The following ACSF2 variants were observed in gnomAD, a reference collection of about 807,000 sequenced individuals.
ACSF2 encodes the protein medium-chain acyl-CoA ligase ACSF2, mitochondrial.
ACSF2 carries 52 observed loss-of-function variants against 79.3 expected under a neutral mutation model. The ratio of observed to expected loss-of-function variants is 0.66; its 90% CI spans 0.53 to 0.83. The LOEUF is 0.83. Among genes scored for constraint, ACSF2 ranks in the 40% least tolerant of loss-of-function variants. The pLI is 0.00. For synonymous variants in ACSF2, 283 were observed against 312.6 expected, an observed-to-expected ratio of 0.91 and a Z score of 1.00; for missense variants, 661 against 803.3, an observed-to-expected ratio of 0.82 and a Z score of 2.14.
chr17:50,434,692 AT>A (rs2030238589), intron 1 of ACSF2, among the ~76,000 whole-genome samples: 1 of 151,614 alleles, frequency 6.6e-6, no homozygotes, highest in Admixed American at 6.6e-5. Flanking sequence ...TCTCAAAAAA[AT>A]AATTTTTTTT....
Position 50,474,575 on chromosome 17 carries a change from G to A in ACSF2, c.*23G>A. 5 of 1,613,470 alleles carry A rather than the reference G, an allele frequency of 3.1e-6. No individual in the cohort carries two copies. The highest frequency in any genetic ancestry group is 4.2e-6 in the Non-Finnish European group (5 of 1,179,592). ...TGAATAAAGCAGCAGGCCTGTCCTG[G>A]CCGGTTGGCTTGACTCTCTCCTGTC... On this transcript the variant is annotated 3_prime_UTR_variant, in exon 16 of 16. Coordinates refer to ENST00000300441, the MANE Select transcript of ACSF2 (RefSeq NM_025149.6). This position sits in a 1 kb window ranked among gnomAD's most constrained non-coding sequence, Gnocchi z 4.2.
At chr17:50,426,805 C>T in intron 1 of ACSF2, 1 of 1,262,352 alleles carries the variant, frequency 7.9e-7, no homozygotes, top group Non-Finnish European at 1.1e-6. Context: ...CCGACCCAGG[C>T]CACTAAACTT....
chr17:50,473,325 G>A (rs1449660130), intron 12 of ACSF2: 1 of 287,492 alleles, frequency 3.5e-6, no homozygotes, highest in Non-Finnish European at 6.7e-6. Flanking sequence ...AGGAGAGAAA[G>A]TGGCTGTGGT....
At chr17:50,446,510 G>A (rs999130263) in intron 1 of ACSF2, among the ~76,000 whole-genome samples, 3 of 151,940 alleles carry the variant, frequency 2.0e-5, no homozygotes, top group African/African-American at 7.3e-5. Context: ...CACCCACCTC[G>A]GCATCCCAAA....
intron 1 of ACSF2, among the ~76,000 whole-genome samples, chr17:50,439,590 G>A (rs1318604312): frequency 2.6e-5 from 4 of 152,076 alleles, no homozygotes; most frequent in Admixed American, 2.6e-4. Context: ...TTTAGGTATT[G>A]CCCTGGCGAG....
rs1003292428 is a variant in ACSF2, at chr17:50,471,890, C to T, written c.1324-538C>T. ...ACTGCCACTGTCACTAAGATGCCCA[C>T]CTGGAAGGGAAACAGGGGCAGGCAT... On this transcript the variant is annotated intron_variant, in intron 11 of 15. Transcript: ENST00000300441. The surrounding 1 kb of genome is among the most constrained non-coding windows in gnomAD (Gnocchi z 4.1). 6.4e-6 allele frequency: 1 copy of T among 156,176 alleles called. No homozygotes were observed. The highest frequency in any genetic ancestry group is 1.4e-5 in the Non-Finnish European group (1 of 71,108). The allele number at this position is 156,176 out of a possible 1,614,324, so 9.7% of individuals were successfully genotyped here. A position where few individuals can be genotyped will look rare whatever the true frequency, so the allele number is the denominator to read the frequency against.
rs1413756704 is a variant in ACSF2, at chr17:50,462,216, A to G, written c.540A>G (p.Gln180=). 6.2e-7 allele frequency: 1 copy of G among 1,613,874 alleles called. No individual in the cohort carries two copies. The highest frequency in any genetic ancestry group is 8.5e-7 in the Non-Finnish European group (1 of 1,179,986). ...VGCKALVFPK[Q]FKTQQYYNVL... ...GCAAGGCCCTTGTGTTCCCCAAGCAATTCAAGACCCAGCAATACTACAACG... is the reference window on the plus strand; with the variant it reads ...GCAAGGCCCTTGTGTTCCCCAAGCAGTTCAAGACCCAGCAATACTACAACG... The change falls in exon 5 of 16, where the codon CAA becomes CAG. Residue 180 remains glutamine, a synonymous_variant. Coordinates refer to ENST00000300441, the MANE Select transcript of ACSF2 (RefSeq NM_025149.6).
At chr17:50,458,524 A>G (rs2032149276) in intron 1 of ACSF2, among the ~76,000 whole-genome samples, 1 of 152,170 alleles carries the variant, frequency 6.6e-6, no homozygotes, top group South Asian at 2.1e-4. Context: ...GTGATCCCAG[A>G]TTCCGTCTTA....
intron 10 of ACSF2, chr17:50,468,786 G>A (rs1271334951): frequency 6.4e-7 from 1 of 1,564,178 alleles, no homozygotes; most frequent in Non-Finnish European, 8.6e-7. Context: ...AGGAGGCCGA[G>A]GCTGAGCAAG....
intron 1 of ACSF2, among the ~76,000 whole-genome samples, chr17:50,444,224 A>G (rs2031140842): frequency 6.6e-6 from 1 of 152,144 alleles, no homozygotes; most frequent in Admixed American, 6.6e-5. Flanking sequence ...TGGTGTAATA[A>G]TCTAGATAAG....
intron 1 of ACSF2, among the ~76,000 whole-genome samples, chr17:50,436,198 C>T (rs568856250): frequency 1.5e-4 from 23 of 152,040 alleles, no homozygotes; most frequent in Non-Finnish European, 3.2e-4. Flanking sequence ...GGCGCGATCT[C>T]GGCTCACTGC....
At chr17:50,470,408 G>T (rs2033056975) in intron 10 of ACSF2, among the ~76,000 whole-genome samples, 1 of 152,036 alleles carries the variant, frequency 6.6e-6, no homozygotes, top group Non-Finnish European at 1.5e-5. Context: ...GTGGGGTGGG[G>T]GTACCACTGG....
rs1197921250 is a variant in ACSF2 at position 50,460,872 on chromosome 17, G to C, written c.324G>C (p.Glu108Asp). The change falls in exon 2 of 16, where the codon GAG (glutamate) becomes GAC (aspartate). Residue 108 changes from glutamate to aspartate, a missense_variant and splice_region_variant. Glu to Asp is a conservative substitution (Grantham distance 45). Coordinates refer to ENST00000300441, the MANE Select transcript of ACSF2 (RefSeq NM_025149.6). Reference sequence around the variant, plus strand: ...TGACCTTTGCCCAACTCAAGGAGGAGGTGGGTCCTGACCTGGAAACCTCAA... The same window carrying C: ...TGACCTTTGCCCAACTCAAGGAGGACGTGGGTCCTGACCTGGAAACCTCAA... Reference protein sequence around the residue: ...VRLTFAQLKEEVDKAASGLLS... With the variant: ...VRLTFAQLKEDVDKAASGLLS... The C allele has an allele frequency of 6.2e-7, 1 of 1,606,752 alleles. No homozygotes were observed.
Position 50,465,693 on chromosome 17 carries a change from G to C in ACSF2, c.1215+1399G>C, listed in dbSNP as rs567121082. 5 of 1,613,106 alleles carry C rather than the reference G, an allele frequency of 3.1e-6. No individual in the cohort carries two copies. In the South Asian group the frequency reaches 5.5e-5, roughly 18 times the overall value. On this transcript the variant is annotated intron_variant, in intron 10 of 15. Coordinates refer to ENST00000300441, the MANE Select transcript of ACSF2 (RefSeq NM_025149.6). ...TGAGGGTGGGCTCTGGGAGTGACAT[G>C]GAAGTGTTCTTACCGCCGAAGGCCC...
At chr17:50,445,658 A>G (rs146868196) in intron 1 of ACSF2, among the ~76,000 whole-genome samples, 10 of 152,166 alleles carry the variant, frequency 6.6e-5, no homozygotes, top group African/African-American at 2.4e-4. Context: ...TTAATTATCT[A>G]GGTCTGCTGG....
At chr17:50,450,576 C>A (rs2031606885) in intron 1 of ACSF2, 1 of 151,994 alleles carries the variant, frequency 6.6e-6, no homozygotes, top group South Asian at 2.1e-4. Context: ...AACTCTCCTG[C>A]TGTCACTGTC....
chr17:50,426,560 C>G (rs116629261), intron 1 of ACSF2, among the ~76,000 whole-genome samples, 171 bp downstream of exon 1: 2,330 of 152,270 alleles, frequency 0.015, 67 homozygotes, highest in African/African-American at 0.052. Context: ...GCTGGCTTGG[C>G]CTGGTGGACT....
At chr17:50,447,146 C>T (rs1197799802) in intron 1 of ACSF2, among the ~76,000 whole-genome samples, 1 of 152,154 alleles carries the variant, frequency 6.6e-6, no homozygotes, top group Non-Finnish European at 1.5e-5. Context: ...TCTCTGTCTT[C>T]CCATCCCTCC....
At chr17:50,473,335 T>C (rs1034885727) in intron 12 of ACSF2, 2 of 299,938 alleles carry the variant, frequency 6.7e-6, no homozygotes, top group African/African-American at 4.2e-5. Flanking sequence ...GTGGCTGTGG[T>C]GGGGAGGGGA....
Sources: allele counts gnomAD v4.1 joint callset (sites outside exome capture counted in the v4.1 genomes callset), GRCh38; gene constraint gnomAD v4.1.1; non-coding constraint Gnocchi (gnomAD v3.1); transcripts MANE v1.5; gene names NCBI Gene and HGNC (gene_info 2026-07-23, HGNC 2026-07-21).